The following OR51E1 variants were observed in gnomAD, a reference collection of about 807,000 sequenced individuals.
OR51E1 encodes the protein olfactory receptor family 51 subfamily E member 1, also known as olfactory receptor 51E1.
A neutral mutation model predicts 11.5 loss-of-function variants in OR51E1; 9 were observed. The ratio of observed to expected loss-of-function variants is 0.78; its 90% CI spans 0.47 to 1.37. The LOEUF (loss-of-function observed/expected upper bound fraction) is 1.37, where lower values mean the gene tolerates loss of function less well. Among genes scored for constraint, OR51E1 ranks in the 40% most tolerant of loss-of-function variants. OR51E1 has a pLI of 0.00. For missense variants in OR51E1, 397 were observed against 410.2 expected (o/e 0.97, Z 0.28); for synonymous variants, 168 against 158.3 (o/e 1.06, Z -0.46).
At chr11:4,650,151 G>T (rs1847076039) in intron 1 of OR51E1, among the ~76,000 whole-genome samples, 1 of 152,136 alleles carries the variant, frequency 6.6e-6, no homozygotes, top group South Asian at 2.1e-4. Flanking sequence ...AGAATTCAGG[G>T]TTCATTAACT....
chr11:4,645,712 C>T (rs1847022988), intron 1 of OR51E1, among the ~76,000 whole-genome samples: 1 of 152,156 alleles, frequency 6.6e-6, no homozygotes, highest in African/African-American at 2.4e-5. Flanking sequence ...GAACACTTAT[C>T]TGGTCCTACT....
chr11:4,655,341 G>C lies in OR51E1; in HGVS notation c.*1858G>C, dbSNP rs140968258. 5.9e-4 allele frequency: 99 copies of C among 167,206 alleles called. 1 individual carries two copies. In the East Asian group the frequency reaches 0.017, roughly 28 times the overall value. The allele number at this position is 167,206 out of a possible 1,614,324, so 10.4% of individuals were successfully genotyped here. A position where few individuals can be genotyped will look rare whatever the true frequency, so the allele number is the denominator to read the frequency against. On this transcript the variant is annotated 3_prime_UTR_variant, in exon 2 of 2. Coordinates refer to ENST00000396952, the MANE Select transcript of OR51E1 (RefSeq NM_152430.4). ...CATTAAATGTGACTTGGGAAGCTAT[G>C]TGTTACACAGAGTAAATCACCAGAA... is the stretch of plus-strand genomic sequence containing the variant.
rs1320061739 is a variant in OR51E1 at position 4,653,911 on chromosome 11, T to C, written c.*428T>C. On this transcript the variant is annotated 3_prime_UTR_variant, in exon 2 of 2. Transcript: ENST00000396952. The stretch of plus-strand genomic sequence containing the variant: ...TTCCTCTTCAGAACTCCCAACCACA[T>C]TGGATCTCAGAAAAATGCTGTCTTC... The C allele has an allele frequency of 3.0e-5, 5 of 168,484 alleles. No homozygotes were observed. The allele number at this position is 168,484 out of a possible 1,614,324, so 10.4% of individuals were successfully genotyped here. A position where few individuals can be genotyped will look rare whatever the true frequency, so the allele number is the denominator to read the frequency against.
chr11:4,651,257 A>T (rs1847093973), intron 1 of OR51E1, among the ~76,000 whole-genome samples: 1 of 152,128 alleles, frequency 6.6e-6, no homozygotes. Flanking sequence ...TATCAATCTC[A>T]CTTTCTTAGA....
chr11:4,650,203 C>A (rs887882554), intron 1 of OR51E1, among the ~76,000 whole-genome samples: 2 of 152,046 alleles, frequency 1.3e-5, no homozygotes, highest in African/African-American at 4.8e-5. Context: ...AATGGATTTA[C>A]TGAAGGGGAT....
intron 1 of OR51E1, among the ~76,000 whole-genome samples, chr11:4,650,280 G>A (rs987679860): frequency 6.6e-6 from 1 of 152,096 alleles, no homozygotes; most frequent in African/African-American, 2.4e-5. Flanking sequence ...AGAGGAGAGT[G>A]AAGATCCAGA....
chr11:4,653,313 G>T lies in OR51E1; in HGVS notation c.787G>T (p.Val263Leu). 1 of 1,614,084 alleles carries T rather than the reference G, an allele frequency of 6.2e-7. No individual in the cohort carries two copies. The highest frequency in any genetic ancestry group is 8.5e-7 in the Non-Finnish European group (1 of 1,180,020). Residue 263 changes from valine to leucine, a missense_variant, in exon 2 of 2, where the codon GTG becomes TTG. Physicochemically the swap from Val to Leu is conservative, Grantham distance 32. Transcript: ENST00000396952. ...FYVPFIGLSM[V>L]HRFSKRRDSP... ...TGTACCTTTCATTGGATTGTCCATG[G>T]TGCATCGCTTTAGCAAGCGGCGTGA...
chr11:4,654,973 T>C lies in OR51E1; in HGVS notation c.*1490T>C, dbSNP rs921050780. On this transcript the variant is annotated 3_prime_UTR_variant, in exon 2 of 2. Transcript: ENST00000396952. Reference sequence around the variant, plus strand: ...TCCCCTTTTGTAATGGATATCATATTTGGAAATGCCTATTTAATACTTGTA... The same window carrying C: ...TCCCCTTTTGTAATGGATATCATATCTGGAAATGCCTATTTAATACTTGTA... The C allele has an allele frequency of 6.0e-6, 1 of 167,194 alleles. No individual in the cohort carries two copies. The highest frequency in any genetic ancestry group is 2.4e-5 in the African/African-American group (1 of 41,598). 10.4% of individuals were successfully genotyped at this position (167,194 alleles called of 1,614,324 possible). A position where few individuals can be genotyped will look rare whatever the true frequency, so the allele number is the denominator to read the frequency against.
Position 4,653,334 on chromosome 11 carries a change from C to T in OR51E1, c.808C>T (p.Arg270Cys), listed in dbSNP as rs575981363. The change falls in exon 2 of 2, where the codon CGT (arginine) becomes TGT (cysteine). Residue 270 changes from arginine to cysteine, a missense_variant. Coordinates refer to ENST00000396952, the MANE Select transcript of OR51E1 (RefSeq NM_152430.4). ...CATGGTGCATCGCTTTAGCAAGCGG[C>T]GTGACTCTCCGCTGCCCGTCATCTT... ...LSMVHRFSKR[R>C]DSPLPVILAN... The T allele has an allele frequency of 8.1e-6, 13 of 1,613,826 alleles. No homozygotes were observed. Among genetic ancestry groups the T allele is most frequent in the South Asian group, 3.3e-5 (3 of 91,078 alleles).
chr11:4,651,183 A>G (rs948796143), intron 1 of OR51E1, among the ~76,000 whole-genome samples: 4 of 152,222 alleles, frequency 2.6e-5, no homozygotes, highest in African/African-American at 9.6e-5. Flanking sequence ...GAATTCTGCT[A>G]TAGGATTGAT....
At chr11:4,650,158 A>T (rs1847076121) in intron 1 of OR51E1, among the ~76,000 whole-genome samples, 1 of 152,198 alleles carries the variant, frequency 6.6e-6, no homozygotes. Flanking sequence ...AGGGTTCATT[A>T]ACTAGGTTTG....
At chr11:4,652,417 A>G (rs4910524) in intron 1 of OR51E1, 71 bp from the exon 2 acceptor site, 552,358 of 699,060 alleles carry the variant, frequency 0.79, 223,683 homozygotes, top group Non-Finnish European at 0.86. Context: ...AGAACAGTAC[A>G]TCAGGATAGA....
chr11:4,652,408 G>C, intron 1 of OR51E1, 80 bp from the exon 2 acceptor site: 1 of 668,326 alleles, frequency 1.5e-6, no homozygotes, highest in South Asian at 1.8e-5. Flanking sequence ...TTGAGTTAGA[G>C]AACAGTACAT....
At position 4,653,408 on chromosome 11, in the gene OR51E1, T is replaced by C. The variant is rs1000115115; in HGVS notation, c.882T>C (p.Tyr294=). Residue 294 remains tyrosine, a synonymous_variant, in exon 2 of 2, where the codon TAT becomes TAC. Coordinates refer to ENST00000396952, the MANE Select transcript of OR51E1 (RefSeq NM_152430.4). ...LVPPVLNPIV[Y]GVKTKEIRQR... ...CTCCTGTGCTCAACCCAATTGTCTATGGAGTGAAGACAAAGGAGATTCGAC... is the reference window on the plus strand; with the variant it reads ...CTCCTGTGCTCAACCCAATTGTCTACGGAGTGAAGACAAAGGAGATTCGAC... The C allele has an allele frequency of 2.5e-6, 4 of 1,614,030 alleles. No homozygotes were observed. Among genetic ancestry groups the C allele is most frequent in the East Asian group, 2.2e-5 (1 of 44,898 alleles).
Position 4,652,625 on chromosome 11 carries a change from A to G in OR51E1, c.99A>G (p.Pro33=). ...LEEAQFWLAF[P]LCSLYLIAVL... is the part of the protein sequence containing the mutation. Reference sequence around the variant, plus strand: ...AGGCTCAGTTCTGGTTGGCCTTCCCATTGTGCTCCCTCTACCTTATTGCTG... The same window carrying G: ...AGGCTCAGTTCTGGTTGGCCTTCCCGTTGTGCTCCCTCTACCTTATTGCTG... The change falls in exon 2 of 2, where the codon CCA becomes CCG. Residue 33 remains proline, a synonymous_variant. Coordinates refer to ENST00000396952, the MANE Select transcript of OR51E1 (RefSeq NM_152430.4). 1.2e-6 allele frequency: 2 copies of G among 1,614,104 alleles called. No individual in the cohort carries two copies. Among genetic ancestry groups the G allele is most frequent in the Non-Finnish European group, 1.7e-6 (2 of 1,180,006 alleles).
At chr11:4,648,304 T>C (rs1041594995) in intron 1 of OR51E1, among the ~76,000 whole-genome samples, 1 of 152,228 alleles carries the variant, frequency 6.6e-6, no homozygotes, top group Non-Finnish European at 1.5e-5. Flanking sequence ...TGTATGAGTG[T>C]GTACATACAG....
intron 1 of OR51E1, among the ~76,000 whole-genome samples, chr11:4,651,633 C>T (rs757301198): frequency 2.6e-5 from 4 of 152,126 alleles, no homozygotes; most frequent in African/African-American, 4.8e-5. Flanking sequence ...AGCTGTGAGC[C>T]CTTAGCACTC....
intron 1 of OR51E1, among the ~76,000 whole-genome samples, chr11:4,649,302 A>G (rs1251656397): frequency 6.6e-6 from 1 of 152,218 alleles, no homozygotes; most frequent in Non-Finnish European, 1.5e-5. Context: ...GAAAAATAGT[A>G]TAGGAGAGAG....
rs1847134170 is a variant in OR51E1 at position 4,653,617 on chromosome 11, G to GGTT, written c.*136_*138dup. 1.8e-6 allele frequency: 1 copy of GGTT among 563,570 alleles called. No homozygotes were observed. Among genetic ancestry groups the GGTT allele is most frequent in the African/African-American group, 1.9e-5 (1 of 52,326 alleles). 34.9% of individuals were successfully genotyped at this position (563,570 alleles called of 1,614,324 possible). ...ACTCAGATCCTTCAAATATGAAACT[G>GGTT]GTTGGGGAATCTCCATTTTTTCAAT... On this transcript the variant is annotated 3_prime_UTR_variant, in exon 2 of 2. Coordinates refer to ENST00000396952, the MANE Select transcript of OR51E1 (RefSeq NM_152430.4).
Sources: gnomAD v4.1 joint callset for allele counts (sites outside exome capture counted in the v4.1 genomes callset) on GRCh38, gnomAD v4.1.1 for gene constraint, MANE v1.5 for transcripts, NCBI Gene and HGNC (gene_info 2026-07-23, HGNC 2026-07-21) for gene names.